RSRC1: variants seen among roughly 807,000 people sequenced by gnomAD.
RSRC1 encodes the protein arginine and serine rich coiled-coil 1.
A neutral mutation model predicts 49.1 loss-of-function variants in RSRC1; 39 were observed. The observed-to-expected ratio is 0.79, with a 90% CI of 0.61 to 1.04. The LOEUF (loss-of-function observed/expected upper bound fraction) is 1.04. RSRC1 is among the 50% of genes least tolerant of loss of function. RSRC1 has a pLI of 0.00. For missense variants in RSRC1, 388 were observed against 402.4 expected (o/e 0.96, Z 0.31); for synonymous variants, 143 against 130.8 (o/e 1.09, Z -0.63).
intron 6 of RSRC1, among the ~76,000 whole-genome samples, chr3:158,365,394 C>T (rs1182934108): frequency 2.0e-5 from 3 of 151,868 alleles, no homozygotes; most frequent in Non-Finnish European, 2.9e-5. Flanking sequence ...TGAGAACATG[C>T]GGTGTTTGGT....
At chr3:158,423,132 T>C (rs1735177797) in intron 6 of RSRC1, among the ~76,000 whole-genome samples, 1 of 151,868 alleles carries the variant, frequency 6.6e-6, no homozygotes, top group Non-Finnish European at 1.5e-5. Flanking sequence ...TTTGGTGTTT[T>C]AGACATGAAG....
chr3:158,290,362 T>C (rs922875651), intron 4 of RSRC1, among the ~76,000 whole-genome samples: 1 of 152,066 alleles, frequency 6.6e-6, no homozygotes, highest in African/African-American at 2.4e-5. Flanking sequence ...AAGCTCCGCC[T>C]CCCAGGTTCA....
At chr3:158,373,718 G>C (rs1171167899) in intron 6 of RSRC1, among the ~76,000 whole-genome samples, 1 of 151,804 alleles carries the variant, frequency 6.6e-6, no homozygotes, top group Non-Finnish European at 1.5e-5. Context: ...TTCCTTACAG[G>C]TAAGGTCTGT....
intron 4 of RSRC1, among the ~76,000 whole-genome samples, chr3:158,286,000 G>C (rs1726529509): frequency 6.6e-6 from 1 of 152,092 alleles, no homozygotes; most frequent in African/African-American, 2.4e-5. Context: ...TTATTTTATA[G>C]ATCTTTACTG....
intron 6 of RSRC1, among the ~76,000 whole-genome samples, chr3:158,382,658 G>A (rs76686588): frequency 0.043 from 6,555 of 152,174 alleles, 203 homozygotes; most frequent in Non-Finnish European, 0.063. Flanking sequence ...AAAAATACCC[G>A]GCGTGGTCTG....
At position 158,123,997 on chromosome 3, in the gene RSRC1, C is replaced by T. The variant is rs756664287; in HGVS notation, c.320+6C>T. 1.9e-6 allele frequency: 3 copies of T among 1,565,290 alleles called. No individual in the cohort carries two copies. Among genetic ancestry groups the T allele is most frequent in the South Asian group, 2.4e-5 (2 of 81,974 alleles). On this transcript the variant is annotated splice_donor_region_variant and intron_variant, in intron 3 of 9. Transcript: ENST00000611884. The stretch of plus-strand genomic sequence containing the variant: ...TCAAAAAGCAGAACAAGAAGGTATG[C>T]CTTATTAAGTATTTATTGCTTTGTA...
At chr3:158,253,030 A>G (rs1264001337) in intron 4 of RSRC1, among the ~76,000 whole-genome samples, 1 of 136,140 alleles carries the variant, frequency 7.3e-6, no homozygotes, top group African/African-American at 2.8e-5. Context: ...CAGAAAATGA[A>G]CTTTTTCTTT....
At chr3:158,470,883 A>AG (rs1163074939) in intron 7 of RSRC1, among the ~76,000 whole-genome samples, 4 of 152,180 alleles carry the variant, frequency 2.6e-5, no homozygotes, top group African/African-American at 9.6e-5. Context: ...GACAATACAT[A>AG]GGGCAAGAGA....
intron 1 of RSRC1, among the ~76,000 whole-genome samples, chr3:158,114,862 C>T (rs997409528): frequency 6.6e-6 from 1 of 152,146 alleles, no homozygotes; most frequent in African/African-American, 2.4e-5. Flanking sequence ...TATCCTGAAA[C>T]ATTACTGAAG....
chr3:158,405,000 C>T (rs1230004043), intron 6 of RSRC1, among the ~76,000 whole-genome samples: 3 of 151,964 alleles, frequency 2.0e-5, no homozygotes, highest in African/African-American at 7.2e-5. Context: ...TCTGACTAAA[C>T]TTCAACAGAA....
chr3:158,193,007 T>C (rs1208021321), intron 3 of RSRC1, among the ~76,000 whole-genome samples: 1 of 152,104 alleles, frequency 6.6e-6, no homozygotes, highest in African/African-American at 2.4e-5. Flanking sequence ...GATTCAGATT[T>C]TACAAATTCA....
At chr3:158,114,819 A>G (rs1390092752) in intron 1 of RSRC1, among the ~76,000 whole-genome samples, 2 of 152,156 alleles carry the variant, frequency 1.3e-5, no homozygotes, top group Non-Finnish European at 2.9e-5. Flanking sequence ...GTTAGTGTAT[A>G]GGAATGCTAG....
intron 5 of RSRC1, among the ~76,000 whole-genome samples, chr3:158,301,086 T>G (rs1390220841): frequency 1.3e-5 from 2 of 152,174 alleles, no homozygotes; most frequent in Admixed American, 6.6e-5. Context: ...GTTTTTTTCT[T>G]TTTTAATCAT....
intron 6 of RSRC1, among the ~76,000 whole-genome samples, chr3:158,362,033 C>T (rs1178145609): frequency 2.0e-5 from 3 of 152,182 alleles, no homozygotes; most frequent in Non-Finnish European, 4.4e-5. Context: ...AAATAAACTT[C>T]CAAAGGTCAG....
intron 3 of RSRC1, among the ~76,000 whole-genome samples, chr3:158,190,976 G>A (rs911429531): frequency 6.6e-6 from 1 of 151,862 alleles, no homozygotes; most frequent in African/African-American, 2.4e-5. Context: ...GAGTACAGTG[G>A]CTCACTCCAA....
At chr3:158,164,431 C>T (rs755826628) in intron 3 of RSRC1, among the ~76,000 whole-genome samples, 11 of 151,410 alleles carry the variant, frequency 7.3e-5, no homozygotes, top group Non-Finnish European at 1.5e-4. Context: ...TTTTGTGCTT[C>T]CAAACTATGT....
At chr3:158,140,434 C>A (rs1342197209) in intron 3 of RSRC1, among the ~76,000 whole-genome samples, 1 of 152,166 alleles carries the variant, frequency 6.6e-6, no homozygotes, top group Non-Finnish European at 1.5e-5. Context: ...GCCACTATTA[C>A]CATTGGCCTT....
At chr3:158,377,507 C>T (rs951474349) in intron 6 of RSRC1, among the ~76,000 whole-genome samples, 4 of 152,120 alleles carry the variant, frequency 2.6e-5, no homozygotes, top group African/African-American at 7.2e-5. Flanking sequence ...CTCATTCTCC[C>T]GCTCTTGCTC....
At chr3:158,354,963 G>T in intron 6 of RSRC1, 55 bp downstream of exon 6, 1 of 1,210,170 alleles carries the variant, frequency 8.3e-7, no homozygotes, top group Non-Finnish European at 1.1e-6. Flanking sequence ...TAAACCCTAG[G>T]CTGGTAGCAT....
Sources: gnomAD v4.1 joint callset for allele counts (sites outside exome capture counted in the v4.1 genomes callset) on GRCh38, gnomAD v4.1.1 for gene constraint, MANE v1.5 for transcripts, NCBI Gene and HGNC (gene_info 2026-07-23, HGNC 2026-07-21) for gene names.